ABCC4: variants seen among roughly 807,000 people sequenced by gnomAD.
The protein encoded by ABCC4 is ATP binding cassette subfamily C member 4 (PEL blood group), also known as ATP-binding cassette sub-family C member 4.
ABCC4 carries 102 observed loss-of-function variants against 168.5 expected under a neutral mutation model. That is an observed-to-expected ratio of 0.61 (90% CI 0.52 to 0.71). The LOEUF is 0.71. Ranked by LOEUF, ABCC4 falls within the 30% of genes least tolerant of loss-of-function variation. The probability of loss-of-function intolerance (pLI) is 0.00; values close to 1 mark genes in which losing one functional copy is unlikely to be tolerated. For missense variants in ABCC4, 1,402 were observed against 1,605.8 expected, an observed-to-expected ratio of 0.87 and a Z score of 2.17; for synonymous variants, 617 against 590.7, an observed-to-expected ratio of 1.04 and a Z score of -0.65.
chr13:95,083,264 G>A lies in ABCC4; in HGVS notation c.2562C>T (p.Val854=). The A allele has an allele frequency of 1.2e-6, 2 of 1,613,886 alleles. No individual in the cohort carries two copies. Among genetic ancestry groups the A allele is most frequent in the East Asian group, 2.2e-5 (1 of 44,862 alleles). Residue 854 remains valine (V), a synonymous_variant, in exon 21 of 31, where the codon GTC becomes GTT. Coordinates refer to ENST00000645237, the MANE Select transcript of ABCC4 (RefSeq NM_005845.5). ...IQTLLQVVGV[V]SVAVAVIPWI... ...AAGGAATCACGGCCACAGCCACAGA[G>A]ACCACACCAACCACTTGTAGCAATG... is the stretch of plus-strand genomic sequence containing the variant.
At chr13:95,272,539 T>C (rs1303603027) in intron 1 of ABCC4, among the ~76,000 whole-genome samples, 1 of 152,166 alleles carries the variant, frequency 6.6e-6, no homozygotes, top group Non-Finnish European at 1.5e-5. Context: ...TAATCTAAAT[T>C]AATTCAGTGG....
intron 4 of ABCC4, among the ~76,000 whole-genome samples, chr13:95,220,686 G>A (rs2039289133): frequency 1.3e-5 from 2 of 152,128 alleles, no homozygotes; most frequent in African/African-American, 4.8e-5. Flanking sequence ...ACAGAGAGAG[G>A]AGGGACAGAC....
At chr13:95,080,305 G>A (rs562398834) in intron 21 of ABCC4, among the ~76,000 whole-genome samples, 5 of 152,258 alleles carry the variant, frequency 3.3e-5, no homozygotes, top group South Asian at 2.1e-4. Context: ...ATGCCATTCC[G>A]GTTTTTATGT....
chr13:95,274,031 C>T (rs2040911696), intron 1 of ABCC4, among the ~76,000 whole-genome samples: 1 of 152,118 alleles, frequency 6.6e-6, no homozygotes, highest in Non-Finnish European at 1.5e-5. Context: ...TGAGGTCTCC[C>T]CAGCCACATG....
At chr13:95,024,213 A>C (rs911100066) in intron 30 of ABCC4, among the ~76,000 whole-genome samples, 4 of 151,810 alleles carry the variant, frequency 2.6e-5, no homozygotes, top group Admixed American at 1.3e-4. Context: ...TCTCAAAAAA[A>C]AAAAAAAAAA....
At chr13:95,166,862 A>G (rs1016270790) in intron 14 of ABCC4, among the ~76,000 whole-genome samples, 6 of 152,148 alleles carry the variant, frequency 3.9e-5, no homozygotes. Flanking sequence ...CATAGACCCC[A>G]TGAACTGCAC....
intron 20 of ABCC4, among the ~76,000 whole-genome samples, chr13:95,084,746 T>C (rs1287727197): frequency 6.6e-6 from 1 of 152,220 alleles, no homozygotes; most frequent in Non-Finnish European, 1.5e-5. Context: ...AAATGACATG[T>C]ATGAGCACGT....
At chr13:95,289,100 G>A (rs7981090) in intron 1 of ABCC4, among the ~76,000 whole-genome samples, 423 of 152,218 alleles carry the variant, frequency 2.8e-3, no homozygotes, top group African/African-American at 8.9e-3. Flanking sequence ...TGCACTCTCC[G>A]TCTCTCAAGA....
At chr13:95,226,701 G>A (rs938921402) in intron 4 of ABCC4, among the ~76,000 whole-genome samples, 1 of 152,120 alleles carries the variant, frequency 6.6e-6, no homozygotes, top group Non-Finnish European at 1.5e-5. Context: ...AGGACTTCAT[G>A]GAGTCTTCTA....
rs562267248 is a variant in ABCC4 at position 95,131,501 on chromosome 13, C to T, written c.2456-15500G>A. 5.3e-5 allele frequency among the ~76,000 whole-genome samples: 8 copies of T among 152,088 alleles called. No homozygotes were observed. In the East Asian group the frequency reaches 5.8e-4, roughly 11 times the overall value. ...AAAATTAGCTGGGCTTGGTGGTGCA[C>T]GACTATAATCCCAGCTATTCGGGAG... On this transcript the variant is annotated intron_variant, in intron 19 of 30. Coordinates refer to ENST00000645237, the MANE Select transcript of ABCC4 (RefSeq NM_005845.5).
intron 8 of ABCC4, among the ~76,000 whole-genome samples, chr13:95,196,982 C>G (rs1226571036): frequency 6.6e-6 from 1 of 152,142 alleles, no homozygotes; most frequent in East Asian, 1.9e-4. Context: ...CCCAAAGTAG[C>G]CTTTGCCTTG....
In ABCC4 at chr13:95,244,639, AAGAAAGAAAGAAAGAAAGAAAGAAAG is replaced by A. The variant is rs1232712674; in HGVS notation, c.306+2310_306+2335del. Among the ~76,000 whole-genome samples the A allele has an allele frequency of 1.8e-4, 15 of 84,916 alleles. 2 individuals carry two copies. In the East Asian group the frequency reaches 1.9e-3, roughly 11 times the overall value. 55.7% of individuals were successfully genotyped at this position (84,916 alleles called of 152,430 possible). ...AAAGAAAGAAAGAAAGAAAGAAAGA[AAGAAAGAAAGAAAGAAAGAAAGAAAG>A]AAAGAAATCATAGCAGTTCCTGGTA... On this transcript the variant is annotated intron_variant, in intron 3 of 30. Transcript: ENST00000645237.
At chr13:95,276,640 C>T (rs1191935188) in intron 1 of ABCC4, among the ~76,000 whole-genome samples, 1 of 152,202 alleles carries the variant, frequency 6.6e-6, no homozygotes, top group Admixed American at 6.6e-5. Context: ...GTGCAATAGG[C>T]TCTTCCTCAC....
At chr13:95,178,357 T>C (rs1306908590) in intron 11 of ABCC4, among the ~76,000 whole-genome samples, 1 of 152,236 alleles carries the variant, frequency 6.6e-6, no homozygotes, top group Admixed American at 6.5e-5. Flanking sequence ...CAGAAATTTT[T>C]TGAGCAGCAA....
At chr13:95,120,003 A>C (rs988738355) in intron 19 of ABCC4, among the ~76,000 whole-genome samples, 1 of 152,108 alleles carries the variant, frequency 6.6e-6, no homozygotes, top group Non-Finnish European at 1.5e-5. Context: ...AGTATCTTTC[A>C]TGGAAAAGGA....
intron 11 of ABCC4, among the ~76,000 whole-genome samples, chr13:95,185,949 G>A (rs548155649): frequency 5.3e-5 from 8 of 151,898 alleles, no homozygotes; most frequent in South Asian, 4.2e-4. Flanking sequence ...AAAACCACCC[G>A]TACCCCAAAA....
rs750325898 is a variant in ABCC4, at chr13:95,163,202, CTTTG to C, written c.2224_2227del (p.Gln742ValfsTer3). Reference sequence around the variant, plus strand: ...TCCATTTACAGTGACATTTAGCATACTTTGTTTGTTTGCCCTATGGAACATGGGG... The same window carrying C: ...TCCATTTACAGTGACATTTAGCATACTTTGTTTGCCCTATGGAACATGGGG... On this transcript the variant is annotated frameshift_variant, in exon 18 of 31. Transcript: ENST00000645237. LOFTEE classifies it high-confidence loss of function. The C allele has an allele frequency of 2.8e-5, 45 of 1,611,872 alleles. No homozygotes were observed. Among genetic ancestry groups the C allele is most frequent in the Non-Finnish European group, 3.7e-5 (44 of 1,178,742 alleles).
At chr13:95,098,282 C>T (rs890600841) in intron 20 of ABCC4, among the ~76,000 whole-genome samples, 4 of 151,446 alleles carry the variant, frequency 2.6e-5, no homozygotes, top group Non-Finnish European at 5.9e-5. Flanking sequence ...TGAAAACCAA[C>T]AGATTAATGT....
chr13:95,236,796 G>A (rs1024912885), intron 3 of ABCC4, among the ~76,000 whole-genome samples: 3 of 152,156 alleles, frequency 2.0e-5, no homozygotes, highest in African/African-American at 7.2e-5. Context: ...CATTCAAAAG[G>A]CACTAAGAGT....
Sources: gnomAD v4.1 joint callset for allele counts (sites outside exome capture counted in the v4.1 genomes callset) on GRCh38, gnomAD v4.1.1 for gene constraint, MANE v1.5 for transcripts, NCBI Gene and HGNC (gene_info 2026-07-23, HGNC 2026-07-21) for gene names.